Variants in GAREM1 observed in about 807,000 individuals in gnomAD.
The protein encoded by GAREM1 is GRB2 associated regulator of MAPK1 subtype 1.
GAREM1 carries 26 observed loss-of-function variants against 71.3 expected under a neutral mutation model. The ratio of observed to expected loss-of-function variants is 0.36; its 90% CI spans 0.27 to 0.51. GAREM1 has a LOEUF of 0.51. Ranked by LOEUF, GAREM1 falls within the 20% of genes least tolerant of loss-of-function variation. The pLI is 0.95. For synonymous variants in GAREM1, 440 were observed against 433.2 expected, an observed-to-expected ratio of 1.02 and a Z score of -0.20; for missense variants, 1,026 against 1,103.1, an observed-to-expected ratio of 0.93 and a Z score of 0.99.
chr18:32,363,349 C>T (rs748882713), intron 2 of GAREM1, among the ~76,000 whole-genome samples: 1 of 152,062 alleles, frequency 6.6e-6, no homozygotes, highest in African/African-American at 2.4e-5. Context: ...GTAAATGTTA[C>T]CTTGGACATT....
chr18:32,382,958 G>T (rs2048111550), intron 2 of GAREM1, among the ~76,000 whole-genome samples: 1 of 152,212 alleles, frequency 6.6e-6, no homozygotes, highest in South Asian at 2.1e-4. Context: ...AATTGCCACT[G>T]AGAAACGTAT....
chr18:32,270,349 G>C lies in GAREM1; in HGVS notation c.1601C>G (p.Pro534Arg), dbSNP rs1567941917. The C allele has an allele frequency of 1.2e-6, 2 of 1,613,790 alleles. No homozygotes were observed. The change falls in exon 5 of 6, where the codon CCT (proline) becomes CGT (arginine). Residue 534 changes from proline (P) to arginine (R), a missense_variant. By Grantham distance (103) the Pro-to-Arg change is moderately radical. Around this residue, in one of 3 missense-constraint regions of GAREM1, gnomAD observed 636 missense variants for 631.2 expected, o/e 1.01. Transcript: ENST00000269209. The part of the protein sequence containing the change: ...REECRLLNAP[P>R]VPPRSAKPLS... ...AGGCTTTGCGCTTCGGGGTGGAACA[G>C]GTGGGGCGTTCAGGAGCCGGCATTC...
intron 1 of GAREM1, among the ~76,000 whole-genome samples, chr18:32,438,450 C>G (rs1035987347): frequency 1.3e-5 from 2 of 152,230 alleles, no homozygotes; most frequent in Admixed American, 1.3e-4. Context: ...GGCAGCTGAA[C>G]CCACTGTCAA....
intron 4 of GAREM1, among the ~76,000 whole-genome samples, chr18:32,271,838 A>T (rs944571306): frequency 6.6e-6 from 1 of 152,112 alleles, no homozygotes; most frequent in Admixed American, 6.6e-5. Context: ...ATTTCAGAAT[A>T]TAATTACTAA....
At chr18:32,414,614 G>A (rs1262336556) in intron 1 of GAREM1, among the ~76,000 whole-genome samples, 1 of 151,968 alleles carries the variant, frequency 6.6e-6, no homozygotes, top group African/African-American at 2.4e-5. Context: ...ATGCTCCTGA[G>A]TGACCAATGG....
chr18:32,355,078 C>T (rs1383765704), intron 2 of GAREM1, among the ~76,000 whole-genome samples: 2 of 152,132 alleles, frequency 1.3e-5, no homozygotes, highest in Non-Finnish European at 2.9e-5. Flanking sequence ...TCCATCTTTT[C>T]AAAGAATGTG....
At chr18:32,320,781 T>C (rs192581849) in intron 2 of GAREM1, among the ~76,000 whole-genome samples, 362 of 152,268 alleles carry the variant, frequency 2.4e-3, no homozygotes, top group African/African-American at 8.1e-3. Context: ...TGCAAACTGG[T>C]TTCCCTGTTT....
intron 2 of GAREM1, among the ~76,000 whole-genome samples, chr18:32,360,544 G>GT (rs1294911598): frequency 6.6e-6 from 1 of 151,926 alleles, no homozygotes; most frequent in East Asian, 1.9e-4. Context: ...CTCAAATGTT[G>GT]TATCTACAGA....
At chr18:32,288,558 T>C (rs1316408858) in intron 3 of GAREM1, among the ~76,000 whole-genome samples, 1 of 151,660 alleles carries the variant, frequency 6.6e-6, no homozygotes, top group Non-Finnish European at 1.5e-5. Context: ...AATTTTAATT[T>C]TTTACTTTTT....
intron 3 of GAREM1, among the ~76,000 whole-genome samples, chr18:32,309,770 A>G (rs2047295955): frequency 1.3e-5 from 2 of 152,146 alleles, no homozygotes; most frequent in African/African-American, 4.8e-5. Flanking sequence ...ACTTCAAGAA[A>G]TGCTTAGAAA....
chr18:32,458,263 C>T (rs574617522), intron 1 of GAREM1, among the ~76,000 whole-genome samples: 19 of 152,038 alleles, frequency 1.2e-4, no homozygotes, highest in Non-Finnish European at 2.2e-4. Flanking sequence ...AGGAATTTAT[C>T]AACAATGAAG....
At position 32,470,405 on chromosome 18, in the gene GAREM1, G is replaced by C; in HGVS notation, c.24C>G (p.Gly8=). MDPAPSL[G]CSLKDVKWSS... ...TCCACTTCACATCCTTGAGGCTGCA[G>C]CCCAGCGAGGGCGCCGGGTCCATCT... The change falls in exon 1 of 6, where the codon GGC becomes GGG. Residue 8 remains glycine, a synonymous_variant. Transcript: ENST00000269209. The surrounding 1 kb of genome is among the most constrained non-coding windows in gnomAD (Gnocchi z 4.4). The C allele has an allele frequency of 6.5e-7, 1 of 1,530,816 alleles. No homozygotes were observed. The highest frequency in any genetic ancestry group is 8.8e-7 in the Non-Finnish European group (1 of 1,137,020). 94.8% of individuals were successfully genotyped at this position (1,530,816 alleles called of 1,614,324 possible). A position where few individuals can be genotyped will look rare whatever the true frequency, so the allele number is the denominator to read the frequency against.
intron 1 of GAREM1, among the ~76,000 whole-genome samples, chr18:32,424,258 T>A (rs1439719775): frequency 6.6e-6 from 1 of 152,136 alleles, no homozygotes; most frequent in African/African-American, 2.4e-5. Flanking sequence ...TAAATAGAAG[T>A]ATTATAAAAA....
At chr18:32,283,390 C>CA (rs1172474723) in intron 4 of GAREM1, among the ~76,000 whole-genome samples, 2 of 151,794 alleles carry the variant, frequency 1.3e-5, no homozygotes, top group Non-Finnish European at 2.9e-5. Flanking sequence ...ACTAAAAATA[C>CA]AAAAAAATTA....
At chr18:32,324,481 A>T (rs1325013915) in intron 2 of GAREM1, among the ~76,000 whole-genome samples, 1 of 152,174 alleles carries the variant, frequency 6.6e-6, no homozygotes, top group Non-Finnish European at 1.5e-5. Flanking sequence ...TGCCTTGATT[A>T]TGAGAGATTT....
rs188190947 is a variant in GAREM1, at chr18:32,292,332, A to T, written c.394-4129T>A. On this transcript the variant is annotated intron_variant, in intron 3 of 5. Transcript: ENST00000269209. ...GTTCATATCCTTCACCCACTTTTTG[A>T]TGGGGTTGTTTTTTTCTTGTTAATG... Among the ~76,000 whole-genome samples, 188 of 151,860 alleles carry T rather than the reference A, an allele frequency of 1.2e-3. 1 individual carries two copies. The Middle Eastern group carries it at 0.014, about 11-fold the overall frequency.
At chr18:32,302,168 A>G (rs972811837) in intron 3 of GAREM1, among the ~76,000 whole-genome samples, 2 of 152,216 alleles carry the variant, frequency 1.3e-5, no homozygotes, top group African/African-American at 4.8e-5. Flanking sequence ...GGATTGTATT[A>G]GGAGACCTGG....
chr18:32,438,228 A>G (rs1395254615), intron 1 of GAREM1, among the ~76,000 whole-genome samples: 2 of 152,122 alleles, frequency 1.3e-5, no homozygotes, highest in Non-Finnish European at 2.9e-5. Flanking sequence ...AATAAACCGG[A>G]TTTATCTGGC....
In GAREM1 at chr18:32,457,224, AGAG is replaced by A. The variant is rs1479813093; in HGVS notation, c.121+13081_121+13083del. On this transcript the variant is annotated intron_variant, in intron 1 of 5. Coordinates refer to ENST00000269209, the MANE Select transcript of GAREM1 (RefSeq NM_001242409.2). ...TAGGGGGGGAGAGAGAGAGAGAGAGAGAGTGTGTGTGTGTGTGTGTGTGTGTGT... is the reference window on the plus strand; with the variant it reads ...TAGGGGGGGAGAGAGAGAGAGAGAGATGTGTGTGTGTGTGTGTGTGTGTGT... Among the ~76,000 whole-genome samples the A allele has an allele frequency of 1.8e-3, 192 of 107,404 alleles. 1 individual carries two copies. The highest frequency in any genetic ancestry group is 5.8e-3 in the South Asian group (17 of 2,906). The allele number at this position is 107,404 out of a possible 152,430, so 70.5% of individuals were successfully genotyped here. A position where few individuals can be genotyped will look rare whatever the true frequency, so the allele number is the denominator to read the frequency against.
Sources: gnomAD v4.1 joint callset for allele counts (sites outside exome capture counted in the v4.1 genomes callset) on GRCh38, gnomAD v4.1.1 for gene constraint, gnomAD v4.1.1 regional missense constraint, Gnocchi (gnomAD v3.1) non-coding constraint, MANE v1.5 for transcripts, NCBI Gene and HGNC (gene_info 2026-07-23, HGNC 2026-07-21) for gene names.